PICALM: variants seen among roughly 807,000 people sequenced by gnomAD.
PICALM encodes phosphatidylinositol-binding clathrin assembly protein.
PICALM carries 40 observed loss-of-function variants against 80.5 expected under a neutral mutation model. The ratio of observed to expected loss-of-function variants is 0.50; its 90% CI spans 0.39 to 0.65. PICALM has a LOEUF of 0.65. PICALM is among the 30% of genes least tolerant of loss of function. The probability of loss-of-function intolerance (pLI) is 0.00; values close to 1 mark genes in which losing one functional copy is unlikely to be tolerated. For missense variants in PICALM, 676 were observed against 778.9 expected (o/e 0.87, Z 1.57); for synonymous variants, 288 against 260.3 (o/e 1.11, Z -1.02).
chr11:85,981,503 A>G (rs1201392424), intron 16 of PICALM, among the ~76,000 whole-genome samples: 1 of 151,948 alleles, frequency 6.6e-6, no homozygotes, highest in Non-Finnish European at 1.5e-5. Context: ...GCTACTTGAG[A>G]GGCTGAGGCA....
chr11:85,990,203 A>G, intron 13 of PICALM, 47 bp downstream of exon 13: 1 of 1,079,012 alleles, frequency 9.3e-7, no homozygotes, highest in Non-Finnish European at 1.3e-6. Context: ...AAATATAGTT[A>G]GGCAGTATAA....
Position 86,026,871 on chromosome 11 carries a change from A to C in PICALM, c.274-504T>G, listed in dbSNP as rs529393343. ...GCCTCCATTGAAGAACCACACCTTCAATCTCCCTTCCCTCCCTCTTCAGAG... is the reference window on the plus strand; with the variant it reads ...GCCTCCATTGAAGAACCACACCTTCCATCTCCCTTCCCTCCCTCTTCAGAG... On this transcript the variant is annotated intron_variant, in intron 2 of 19. Coordinates refer to ENST00000393346, the MANE Select transcript of PICALM (RefSeq NM_007166.4). Among the ~76,000 whole-genome samples, 3 of 152,332 alleles carry C rather than the reference A, an allele frequency of 2.0e-5. No homozygotes were observed. In the South Asian group the frequency reaches 6.2e-4, roughly 32 times the overall value.
In PICALM at chr11:85,958,585, G is replaced by C. The variant is rs1376238929; in HGVS notation, c.*461C>G. ...AAAGTTAATTTCAGTTATTGTTTCTGTATTTGTGAGGACTGGAGAAAAGAA... is the reference window on the plus strand; with the variant it reads ...AAAGTTAATTTCAGTTATTGTTTCTCTATTTGTGAGGACTGGAGAAAAGAA... On this transcript the variant is annotated 3_prime_UTR_variant, in exon 20 of 20. Transcript: ENST00000393346. 4.5e-6 allele frequency: 1 copy of C among 222,240 alleles called. No individual in the cohort carries two copies. The highest frequency in any genetic ancestry group is 9.0e-6 in the Non-Finnish European group (1 of 111,394). 13.8% of individuals were successfully genotyped at this position (222,240 alleles called of 1,614,324 possible). A position where few individuals can be genotyped will look rare whatever the true frequency, so the allele number is the denominator to read the frequency against.
At chr11:86,005,948 G>A (rs1454921219) in intron 8 of PICALM, among the ~76,000 whole-genome samples, 1 of 152,110 alleles carries the variant, frequency 6.6e-6, no homozygotes, top group African/African-American at 2.4e-5. Flanking sequence ...AGGAAAAGAG[G>A]AACGGAGGTT....
intron 5 of PICALM, among the ~76,000 whole-genome samples, chr11:86,013,280 A>C (rs1354880590): frequency 6.6e-6 from 1 of 152,108 alleles, no homozygotes; most frequent in African/African-American, 2.4e-5. Flanking sequence ...ATGCCACAGA[A>C]CTCCAGCCAG....
At chr11:85,988,813 G>A (rs1328767394) in intron 13 of PICALM, among the ~76,000 whole-genome samples, 1 of 152,198 alleles carries the variant, frequency 6.6e-6, no homozygotes, top group Non-Finnish European at 1.5e-5. Context: ...AAGGCTCCAT[G>A]AAGTATTAAA....
intron 12 of PICALM, among the ~76,000 whole-genome samples, chr11:85,993,078 C>T (rs2094841775): frequency 6.6e-6 from 1 of 151,846 alleles, no homozygotes; most frequent in South Asian, 2.1e-4. Context: ...AATTCGAAAT[C>T]CCTTAAAGTT....
rs1362917446 is a variant in PICALM at position 85,957,481 on chromosome 11, A to G, written c.*1565T>C. ...GTGAACAATTTTAATAAGTAGTTGC[A>G]TTTATCAATAAGAGTCTACAAGGTA... On this transcript the variant is annotated 3_prime_UTR_variant, in exon 20 of 20. Coordinates refer to ENST00000393346, the MANE Select transcript of PICALM (RefSeq NM_007166.4). Among the ~76,000 whole-genome samples the G allele has an allele frequency of 6.6e-6, 1 of 152,236 alleles. No homozygotes were observed. The highest frequency in any genetic ancestry group is 6.5e-5 in the Admixed American group (1 of 15,282).
At chr11:85,985,061 C>G (rs1014146312) in intron 13 of PICALM, among the ~76,000 whole-genome samples, 1 of 152,062 alleles carries the variant, frequency 6.6e-6, no homozygotes, top group African/African-American at 2.4e-5. Flanking sequence ...AAGAAGCAAA[C>G]AAAAACCACC....
rs771641977 is a variant in PICALM, at chr11:85,976,692, T to G, written c.1780-10A>C. ...CCATTACAGGGGGTGCCTAACATAG[T>G]GAAAGGAAAAATGAACAAGAAAGTA... On this transcript the variant is annotated splice_polypyrimidine_tract_variant and intron_variant, in intron 17 of 19. Transcript: ENST00000393346. 38 of 1,550,066 alleles carry G rather than the reference T, an allele frequency of 2.5e-5. No homozygotes were observed. Among genetic ancestry groups the G allele is most frequent in the Non-Finnish European group, 3.4e-5 (38 of 1,122,442 alleles).
intron 2 of PICALM, among the ~76,000 whole-genome samples, chr11:86,027,522 G>A (rs2095668518): frequency 6.8e-6 from 1 of 147,626 alleles, no homozygotes; most frequent in Admixed American, 6.8e-5. Context: ...TTTTGAGACA[G>A]GGTCTCGCTC....
chr11:86,046,770 T>G (rs2096078056), intron 1 of PICALM, among the ~76,000 whole-genome samples: 1 of 152,212 alleles, frequency 6.6e-6, no homozygotes, highest in African/African-American at 2.4e-5. Context: ...CTGGAGTAGC[T>G]GGGACTACAG....
chr11:86,039,259 G>C (rs1456421942), intron 1 of PICALM, among the ~76,000 whole-genome samples: 1 of 152,092 alleles, frequency 6.6e-6, no homozygotes, highest in Non-Finnish European at 1.5e-5. Flanking sequence ...GTGGAACATG[G>C]TGACATGCAC....
In PICALM at chr11:85,981,160, G is replaced by A. The variant is rs1417985099; in HGVS notation, c.1748C>T (p.Ala583Val). The change falls in exon 17 of 20, where the codon GCA becomes GTA. Residue 583 changes from alanine (A) to valine (V), a missense_variant. Coordinates refer to ENST00000393346, the MANE Select transcript of PICALM (RefSeq NM_007166.4). ...TGGSNWQPKV[A>V]PTTAWNAATM... ...TGCAGCATTCCAAGCGGTTGTTGGT[G>A]CAACCTTTGGTTGCCAGTTAGATCC... 1.2e-6 allele frequency: 2 copies of A among 1,604,774 alleles called. No individual in the cohort carries two copies. Among genetic ancestry groups the A allele is most frequent in the African/African-American group, 2.7e-5 (2 of 74,662 alleles).
chr11:85,965,807 G>GTTTTTGTT (rs2093862096), intron 19 of PICALM, among the ~76,000 whole-genome samples: 2 of 79,258 alleles, frequency 2.5e-5, no homozygotes, highest in Non-Finnish European at 4.6e-5. Context: ...TACCCATTTT[G>GTTTTTGTT]TTTTTTTGTT....
intron 8 of PICALM, 200 bp downstream of exon 8, chr11:86,007,342 G>A: frequency 3.0e-6 from 1 of 338,778 alleles, no homozygotes; most frequent in Middle Eastern, 8.5e-4. Context: ...ACAGTGGGTA[G>A]GCAACAAATA....
intron 11 of PICALM, 30 bp downstream of exon 11, chr11:86,000,613 T>G (rs1344419354): frequency 8.8e-6 from 14 of 1,586,188 alleles, no homozygotes; most frequent in Non-Finnish European, 1.2e-5. Flanking sequence ...AACCTACATA[T>G]TCAAAGGTAA....
intron 3 of PICALM, among the ~76,000 whole-genome samples, chr11:86,022,857 T>C (rs892055676): frequency 2.6e-5 from 4 of 152,162 alleles, no homozygotes; most frequent in African/African-American, 9.6e-5. Flanking sequence ...CAAGCAACTT[T>C]ATATAATTTT....
chr11:86,069,214 G>C (rs982425869), upstream of PICALM: 65 of 184,946 alleles, frequency 3.5e-4, no homozygotes, highest in Admixed American at 2.8e-3. Flanking sequence ...CTCGCTCAGC[G>C]AGGGAAGAGC....
Sources: allele counts gnomAD v4.1 joint callset (sites outside exome capture counted in the v4.1 genomes callset), GRCh38; gene constraint gnomAD v4.1.1; transcripts MANE v1.5; gene names NCBI Gene and HGNC (gene_info 2026-07-23, HGNC 2026-07-21).